The following CSMD1 variants were observed in gnomAD, a reference collection of about 807,000 sequenced individuals.
The protein encoded by CSMD1 is CUB and sushi domain-containing protein 1.
In CSMD1, 213 loss-of-function variants were observed where a neutral mutation model predicts 417.5. That is an observed-to-expected ratio of 0.51 (90% CI 0.46 to 0.57). The LOEUF (loss-of-function observed/expected upper bound fraction) is 0.57. Among genes scored for constraint, CSMD1 ranks in the 20% least tolerant of loss-of-function variants. The probability of loss-of-function intolerance (pLI) is 0.00; values close to 1 mark genes in which losing one functional copy is unlikely to be tolerated. For missense variants in CSMD1, 6,923 were observed against 4,529.7 expected (o/e 1.53, Z -15.17); for synonymous variants, 2,862 against 1,736.8 (o/e 1.65, Z -16.11).
intron 2 of CSMD1, among the ~76,000 whole-genome samples, chr8:4,580,790 G>A (rs1433794887): frequency 6.6e-6 from 1 of 152,154 alleles, no homozygotes; most frequent in Admixed American, 6.5e-5. Flanking sequence ...TTATGATAGT[G>A]TTAATTATAT....
At chr8:3,256,725 G>C (rs996914962) in intron 26 of CSMD1, among the ~76,000 whole-genome samples, 1 of 152,152 alleles carries the variant, frequency 6.6e-6, no homozygotes, top group African/African-American at 2.4e-5. Context: ...GTCCACCTTT[G>C]ATGTCTGCAT....
chr8:4,742,189 C>T (rs1353706929), intron 1 of CSMD1, among the ~76,000 whole-genome samples: 1 of 151,098 alleles, frequency 6.6e-6, no homozygotes, highest in African/African-American at 2.4e-5. Flanking sequence ...CGCCACCACG[C>T]CCGGCTAATT....
At chr8:3,412,077 TACATATATATAC>T (rs1372431196) in intron 12 of CSMD1, among the ~76,000 whole-genome samples, 3 of 46,328 alleles carry the variant, frequency 6.5e-5, no homozygotes, top group Non-Finnish European at 8.3e-5. Flanking sequence ...TATACATATA[TACATATATATAC>T]ACACGTATAT....
At chr8:3,486,829 C>T (rs1433500328) in intron 11 of CSMD1, among the ~76,000 whole-genome samples, 1 of 152,178 alleles carries the variant, frequency 6.6e-6, no homozygotes, top group African/African-American at 2.4e-5. Context: ...ATGCTGAAGC[C>T]CAGTGGTTTG....
chr8:4,681,502 G>A (rs567886443), intron 1 of CSMD1, among the ~76,000 whole-genome samples: 32 of 152,210 alleles, frequency 2.1e-4, no homozygotes, highest in Admixed American at 9.2e-4. Flanking sequence ...GTCTCAATAC[G>A]TTGTTAGGTA....
rs566924491 is a variant in CSMD1 at position 3,394,338 on chromosome 8, A to T, written c.2593+1856T>A. Among the ~76,000 whole-genome samples the T allele has an allele frequency of 2.7e-5, 4 of 150,546 alleles. No individual in the cohort carries two copies. In the East Asian group the frequency reaches 7.8e-4, roughly 29 times the overall value. On this transcript the variant is annotated intron_variant, in intron 17 of 69. Coordinates refer to ENST00000635120, the MANE Select transcript of CSMD1 (RefSeq NM_033225.6). ...AGGATGACAAGCTAAATAGAAATTT[A>T]TGAAATGACTTTTTATCATTTCCTG...
intron 3 of CSMD1, among the ~76,000 whole-genome samples, chr8:4,185,444 T>G (rs1179630195): frequency 6.6e-6 from 1 of 152,228 alleles, no homozygotes; most frequent in East Asian, 1.9e-4. Context: ...TAAATAATGA[T>G]TTTAAAAACA....
At chr8:4,732,799 G>A (rs969839667) in intron 1 of CSMD1, among the ~76,000 whole-genome samples, 1 of 152,170 alleles carries the variant, frequency 6.6e-6, no homozygotes, top group Non-Finnish European at 1.5e-5. Context: ...CCAGGATTTA[G>A]TAACTCCAGG....
rs532240204 is a variant in CSMD1, at chr8:3,456,517, G to C, written c.1561+12195C>G. Among the ~76,000 whole-genome samples the C allele has an allele frequency of 2.0e-5, 3 of 152,252 alleles. No homozygotes were observed. In the South Asian group the frequency reaches 6.2e-4, roughly 32 times the overall value. ...GGCCTTGTGAATGATGTCACCATGT[G>C]CTTTGTGGTTATCTAAGTTGGCGCA... On this transcript the variant is annotated intron_variant, in intron 12 of 69. Transcript: ENST00000635120.
intron 3 of CSMD1, among the ~76,000 whole-genome samples, chr8:4,128,528 C>T (rs1166740821): frequency 1.3e-5 from 2 of 152,142 alleles, no homozygotes; most frequent in Non-Finnish European, 2.9e-5. Context: ...CTCAAACCCC[C>T]TCCTATATTC....
rs150827457 is a variant in CSMD1 at position 4,427,418 on chromosome 8, C to G, written c.303-7353G>C. On this transcript the variant is annotated intron_variant, in intron 2 of 69. Coordinates refer to ENST00000635120, the MANE Select transcript of CSMD1 (RefSeq NM_033225.6). ...CTAGGTACCTTGGGGTCATAGAACT[C>G]TCTTGGACTTAGATACCATCCGGGG... Among the ~76,000 whole-genome samples, 119 of 152,074 alleles carry G rather than the reference C, an allele frequency of 7.8e-4. 1 individual carries two copies. Among genetic ancestry groups the G allele is most frequent in the African/African-American group, 2.7e-3 (110 of 41,482 alleles).
At chr8:4,329,831 G>T (rs981481764) in intron 3 of CSMD1, among the ~76,000 whole-genome samples, 1 of 146,534 alleles carries the variant, frequency 6.8e-6, no homozygotes, top group Non-Finnish European at 1.5e-5. Context: ...TTAAAAAAGT[G>T]TGTGGCACCA....
chr8:4,927,531 T>C (rs1165351486), intron 1 of CSMD1, among the ~76,000 whole-genome samples: 2 of 152,020 alleles, frequency 1.3e-5, no homozygotes, highest in Non-Finnish European at 2.9e-5. Flanking sequence ...CGAGAGCAAG[T>C]GAGTTGGAAA....
rs79044444 is a variant in CSMD1 at position 4,427,082 on chromosome 8, A to C, written c.303-7017T>G. Reference sequence around the variant, plus strand: ...GAGAGCTTGGGAGATCAAAGAGCACAGGTGGCTGTGGCTCCTGGGAGGTCA... The same window carrying C: ...GAGAGCTTGGGAGATCAAAGAGCACCGGTGGCTGTGGCTCCTGGGAGGTCA... On this transcript the variant is annotated intron_variant, in intron 2 of 69. Transcript: ENST00000635120. Among the ~76,000 whole-genome samples, 95 of 152,236 alleles carry C rather than the reference A, an allele frequency of 6.2e-4. 3 individuals carry two copies. The East Asian group carries it at 0.017, about 27-fold the overall frequency.
intron 1 of CSMD1, among the ~76,000 whole-genome samples, chr8:4,758,983 C>T (rs1377838163): frequency 8.1e-5 from 12 of 148,562 alleles, no homozygotes; most frequent in Non-Finnish European, 1.5e-5. Context: ...AAGTGCATTG[C>T]ATGACTTTGT....
At chr8:4,101,397 G>A (rs541996835) in intron 3 of CSMD1, among the ~76,000 whole-genome samples, 2 of 152,118 alleles carry the variant, frequency 1.3e-5, no homozygotes, top group South Asian at 4.2e-4. Context: ...ATCCCACTCA[G>A]GTTGGTTGGG....
At position 4,175,053 on chromosome 8, in the gene CSMD1, C is replaced by T. The variant is rs970785714; in HGVS notation, c.416-142954G>A. Among the ~76,000 whole-genome samples, 20 of 151,520 alleles carry T rather than the reference C, an allele frequency of 1.3e-4. No individual in the cohort carries two copies. In the South Asian group the frequency reaches 3.6e-3, roughly 27 times the overall value. ...ATATTACATTCCTTTCTAAGTGAAC[C>T]CTGGGCATCTTTCACTGACTTTTAC... is the stretch of plus-strand genomic sequence containing the variant. On this transcript the variant is annotated intron_variant, in intron 3 of 69. Transcript: ENST00000635120.
chr8:3,906,018 T>C (rs17067892), intron 5 of CSMD1, among the ~76,000 whole-genome samples: 12,202 of 152,226 alleles, frequency 0.08, 531 homozygotes, highest in South Asian at 0.13. Context: ...TCTTTTTATT[T>C]TCCCCGCTTT....
intron 3 of CSMD1, among the ~76,000 whole-genome samples, chr8:4,206,180 G>A (rs567790588): frequency 6.6e-6 from 1 of 152,076 alleles, no homozygotes; most frequent in South Asian, 2.1e-4. Flanking sequence ...AATACATGCT[G>A]AAAAATGAGG....
Sources: allele counts gnomAD v4.1 joint callset (sites outside exome capture counted in the v4.1 genomes callset), GRCh38; gene constraint gnomAD v4.1.1; transcripts MANE v1.5; gene names NCBI Gene and HGNC (gene_info 2026-07-23, HGNC 2026-07-21).